AFF1: variants seen among roughly 807,000 people sequenced by gnomAD.
AFF1 encodes ALF transcription elongation factor 1, also known as AF4/FMR2 family member 1.
A neutral mutation model predicts 121.7 loss-of-function variants in AFF1; 48 were observed. The observed-to-expected ratio is 0.39, with a 90% confidence interval of 0.31 to 0.50. AFF1 has a LOEUF of 0.50. Ranked by LOEUF, AFF1 falls within the 20% of genes least tolerant of loss-of-function variation. The pLI, the probability that AFF1 is intolerant of heterozygous loss-of-function variation, is 0.76. For synonymous variants in AFF1, 613 were observed against 563.0 expected, an observed-to-expected ratio of 1.09 and a Z score of -1.26; for missense variants, 1,523 against 1,511.7, an observed-to-expected ratio of 1.01 and a Z score of -0.12.
chr4:86,951,318 A>G (rs889163807), intron 2 of AFF1, among the ~76,000 whole-genome samples: 2 of 151,578 alleles, frequency 1.3e-5, no homozygotes, highest in Non-Finnish European at 2.9e-5. Flanking sequence ...GCTCCTATCT[A>G]ATTTCCTCCT....
At chr4:86,976,724 TAACA>T in intron 2 of AFF1, among the ~76,000 whole-genome samples, 1 of 152,310 alleles carries the variant, frequency 6.6e-6, no homozygotes, top group South Asian at 2.1e-4. Context: ...TTTACCTGTA[TAACA>T]AACTTGCATG....
In AFF1 at chr4:87,084,184, T is replaced by C; in HGVS notation, c.1104+20T>C. ...CTGAAGGTGAGTTCACTGTTAATCT[T>C]TCTCATTTGAAGAAATATTTAAGTA... On this transcript the variant is annotated intron_variant, in intron 5 of 20. Transcript: ENST00000395146. 1 of 1,611,348 alleles carries C rather than the reference T, an allele frequency of 6.2e-7. No individual in the cohort carries two copies. Among genetic ancestry groups the C allele is most frequent in the Non-Finnish European group, 8.5e-7 (1 of 1,177,646 alleles).
rs1171661481 is a variant in AFF1 at position 87,007,302 on chromosome 4, C to T, written c.39-38864C>T. 5.1e-6 allele frequency: 8 copies of T among 1,578,272 alleles called. No homozygotes were observed. The East Asian group carries it at 1.4e-4, about 27-fold the overall frequency. On this transcript the variant is annotated intron_variant, in intron 2 of 20. Transcript: ENST00000395146. ...GTAACATCGGGGCGCCGCGCCGGGA[C>T]GCGTCCCCGCCCGGCTCCGCCAAAT...
intron 2 of AFF1, among the ~76,000 whole-genome samples, chr4:86,982,758 G>T (rs1190975934): frequency 6.8e-6 from 1 of 148,084 alleles, no homozygotes; most frequent in Non-Finnish European, 1.5e-5. Flanking sequence ...TGAGGCAGGA[G>T]AATCGCTTGA....
intron 2 of AFF1, among the ~76,000 whole-genome samples, chr4:86,984,077 A>G (rs1268463968): frequency 3.3e-5 from 5 of 152,292 alleles, no homozygotes; most frequent in Admixed American, 6.5e-5. Flanking sequence ...TTGCCAATGT[A>G]TCTAGTGTTT....
rs1392991956 is a variant in AFF1 at position 87,012,221 on chromosome 4, T to C, written c.39-33945T>C. On this transcript the variant is annotated intron_variant, in intron 2 of 20. Coordinates refer to ENST00000395146, the MANE Select transcript of AFF1 (RefSeq NM_001166693.3). ...GCAAACTTCTCCATTTCATTTCTTG[T>C]TTTTTTTTTTTTTTGTATAACTATA... Among the ~76,000 whole-genome samples the C allele has an allele frequency of 4.3e-5, 3 of 69,384 alleles. No individual in the cohort carries two copies. In the Admixed American group the frequency reaches 5.5e-4, roughly 13 times the overall value. 45.5% of individuals were successfully genotyped at this position (69,384 alleles called of 152,430 possible).
At chr4:87,111,750 G>A (rs1726561226) in intron 11 of AFF1, among the ~76,000 whole-genome samples, 1 of 152,064 alleles carries the variant, frequency 6.6e-6, no homozygotes, top group South Asian at 2.1e-4. Context: ...ACTTAATATT[G>A]GGTATACAGG....
At chr4:87,005,826 G>T (rs1251724057) in intron 2 of AFF1, among the ~76,000 whole-genome samples, 5 of 152,218 alleles carry the variant, frequency 3.3e-5, no homozygotes, top group Non-Finnish European at 4.4e-5. Context: ...ATAACGTGTG[G>T]TAGTGAAGAA....
intron 2 of AFF1, among the ~76,000 whole-genome samples, chr4:86,955,058 G>A (rs1190196533): frequency 6.6e-6 from 1 of 152,094 alleles, no homozygotes; most frequent in African/African-American, 2.4e-5. Flanking sequence ...CCTTGTGACT[G>A]TCATCTACCC....
rs531058836 is a variant in AFF1, at chr4:87,075,535, G to T, written c.1060-8585G>T. Among the ~76,000 whole-genome samples, 58 of 152,164 alleles carry T rather than the reference G, an allele frequency of 3.8e-4. 1 individual carries two copies. In the South Asian group the frequency reaches 0.012, roughly 32 times the overall value. ...CATCTTCTATCTCAAGGAAGCGTAC[G>T]TACATCCTTTCTTTACCCAAACATG... On this transcript the variant is annotated intron_variant, in intron 4 of 20. Transcript: ENST00000395146.
intron 4 of AFF1, among the ~76,000 whole-genome samples, chr4:87,061,954 A>G (rs984518385): frequency 3.9e-5 from 6 of 152,204 alleles, no homozygotes; most frequent in African/African-American, 1.2e-4. Context: ...TTTTCCTACA[A>G]GTCTTTAAAT....
chr4:87,083,834 C>T (rs1723407436), intron 4 of AFF1, among the ~76,000 whole-genome samples: 1 of 152,114 alleles, frequency 6.6e-6, no homozygotes, highest in South Asian at 2.1e-4. Context: ...ATGATCTTGG[C>T]TCACTGCAGC....
At chr4:86,943,615 G>GCA (rs1207097666) in intron 1 of AFF1, among the ~76,000 whole-genome samples, 1 of 152,126 alleles carries the variant, frequency 6.6e-6, no homozygotes, top group Non-Finnish European at 1.5e-5. Flanking sequence ...TGTGATACCA[G>GCA]CATTTTCGGG....
chr4:87,085,224 T>A (rs1160673338), intron 5 of AFF1, among the ~76,000 whole-genome samples: 2 of 152,200 alleles, frequency 1.3e-5, no homozygotes, highest in African/African-American at 2.4e-5. Flanking sequence ...ACTGGCATTC[T>A]TTCTTTTTAT....
intron 2 of AFF1, among the ~76,000 whole-genome samples, chr4:86,994,270 G>A (rs1282764815): frequency 2.6e-5 from 4 of 152,224 alleles, no homozygotes; most frequent in Non-Finnish European, 4.4e-5. Flanking sequence ...GGGCTCACTG[G>A]TGCTGGCACA....
At chr4:86,947,819 G>T (rs1472260681) in intron 1 of AFF1, among the ~76,000 whole-genome samples, 38 of 148,652 alleles carry the variant, frequency 2.6e-4, no homozygotes, top group Admixed American at 1.3e-3. Context: ...GTTTTTGTTT[G>T]TTTTTTTTTT....
intron 12 of AFF1, among the ~76,000 whole-genome samples, chr4:87,121,874 T>C (rs975368107): frequency 6.6e-6 from 1 of 152,222 alleles, no homozygotes; most frequent in Non-Finnish European, 1.5e-5. Flanking sequence ...GAGGATTGAT[T>C]TGCCCTGACT....
chr4:86,980,782 A>G (rs1417879456), intron 2 of AFF1, among the ~76,000 whole-genome samples: 1 of 152,206 alleles, frequency 6.6e-6, no homozygotes, highest in Non-Finnish European at 1.5e-5. Flanking sequence ...ACTTTCCTGA[A>G]TGTACCTTGC....
intron 7 of AFF1, among the ~76,000 whole-genome samples, chr4:87,093,754 C>G (rs1014551535): frequency 4.6e-5 from 7 of 152,196 alleles, no homozygotes; most frequent in African/African-American, 7.2e-5. Context: ...TGACTAATTG[C>G]AAATATGCAA....
Sources: allele counts gnomAD v4.1 joint callset (sites outside exome capture counted in the v4.1 genomes callset), GRCh38; gene constraint gnomAD v4.1.1; transcripts MANE v1.5; gene names NCBI Gene and HGNC (gene_info 2026-07-23, HGNC 2026-07-21).